SARDH: variants seen among roughly 807,000 people sequenced by gnomAD.
SARDH encodes the protein sarcosine dehydrogenase.
SARDH carries 95 observed loss-of-function variants against 109.1 expected under a neutral mutation model. That is an observed-to-expected ratio of 0.87 (90% CI 0.74 to 1.03). The LOEUF is 1.03. Ranked by LOEUF, SARDH falls within the 50% of genes least tolerant of loss-of-function variation. The pLI is 0.00. For missense variants in SARDH, 1,267 were observed against 1,287.8 expected (o/e 0.98, Z 0.25); for synonymous variants, 572 against 534.8 (o/e 1.07, Z -0.96).
At chr9:133,668,310 TC>T (rs1564227177) in intron 19 of SARDH, among the ~76,000 whole-genome samples, 7 of 15,850 alleles carry the variant, frequency 4.4e-4, no homozygotes, top group Admixed American at 5.3e-4. Flanking sequence ...TCTCCCTCCC[TC>T]TCCCCCACCC....
intron 13 of SARDH, among the ~76,000 whole-genome samples, chr9:133,701,732 C>A (rs998265560): frequency 8.5e-5 from 13 of 152,216 alleles, no homozygotes; most frequent in African/African-American, 3.1e-4. Flanking sequence ...CGCTTCATGA[C>A]ACACACGCCT....
At chr9:133,714,967 G>A (rs561134286) in intron 8 of SARDH, among the ~76,000 whole-genome samples, 3 of 152,318 alleles carry the variant, frequency 2.0e-5, no homozygotes, top group Admixed American at 6.5e-5. Context: ...GGGTCTCTTG[G>A]ATGTTTCACA....
chr9:133,692,715 C>T lies in SARDH; in HGVS notation c.1921+1543G>A, dbSNP rs1418021342. 2.0e-5 allele frequency among the ~76,000 whole-genome samples: 3 copies of T among 152,172 alleles called. No individual in the cohort carries two copies. The highest frequency in any genetic ancestry group is 2.1e-4 in the South Asian group (1 of 4,830). On this transcript the variant is annotated intron_variant, in intron 15 of 20. Coordinates refer to ENST00000439388, the MANE Select transcript of SARDH (RefSeq NM_001134707.2). This position sits in a 1 kb window ranked among gnomAD's most constrained non-coding sequence, Gnocchi z 5.0. ...CCCACCGGCCTCCTTCACCTCCTCC[C>T]GACCCTGGCTACCTGGTGCTTCCAC...
intron 17 of SARDH, among the ~76,000 whole-genome samples, chr9:133,684,380 G>A (rs1399007133): frequency 2.0e-5 from 3 of 152,258 alleles, no homozygotes; most frequent in Non-Finnish European, 2.9e-5. Context: ...ACATGGGAAA[G>A]TGTGCTGTGA....
At chr9:133,701,937 C>A (rs2131412360) in intron 13 of SARDH, among the ~76,000 whole-genome samples, 1 of 152,334 alleles carries the variant, frequency 6.6e-6, no homozygotes, top group South Asian at 2.1e-4. Context: ...CAGCATGAAC[C>A]CAAGCGGGGC....
intron 17 of SARDH, 120 bp downstream of exon 17, chr9:133,685,073 A>C (rs1245210217): frequency 1.3e-6 from 1 of 761,572 alleles, no homozygotes; most frequent in Non-Finnish European, 2.1e-6. Flanking sequence ...ACAGTTGGGG[A>C]CCGAGGCCCA....
chr9:133,730,060 G>T lies in SARDH; in HGVS notation c.814+4C>A, dbSNP rs750007602. ...ACAGGAGTCAGGAGAAATGCCACTCGCACCTGCACAGTTGACCACGCAGGG... is the reference window on the plus strand; with the variant it reads ...ACAGGAGTCAGGAGAAATGCCACTCTCACCTGCACAGTTGACCACGCAGGG... On this transcript the variant is annotated splice_donor_region_variant and intron_variant, in intron 5 of 20. Transcript: ENST00000439388. The T allele has an allele frequency of 1.9e-6, 3 of 1,613,924 alleles. No homozygotes were observed. The highest frequency in any genetic ancestry group is 2.7e-5 in the African/African-American group (2 of 74,914).
chr9:133,739,509 A>G (rs1471030720), upstream of SARDH, among the ~76,000 whole-genome samples: 1 of 152,172 alleles, frequency 6.6e-6, no homozygotes, highest in Non-Finnish European at 1.5e-5. Context: ...GAGAGACACG[A>G]CACCACAAGG....
chr9:133,687,253 G>A (rs1830918435), intron 16 of SARDH, among the ~76,000 whole-genome samples: 1 of 152,188 alleles, frequency 6.6e-6, no homozygotes, highest in African/African-American at 2.4e-5. Flanking sequence ...AGCCACGCAA[G>A]GATATTGGTT....
chr9:133,667,822 T>C (rs891943261), intron 19 of SARDH, among the ~76,000 whole-genome samples: 1 of 152,096 alleles, frequency 6.6e-6, no homozygotes, highest in Non-Finnish European at 1.5e-5. Flanking sequence ...TTCGTAAACA[T>C]CTTTGGTGTC....
chr9:133,717,327 A>G lies in SARDH; in HGVS notation c.1149T>C (p.Pro383=), dbSNP rs1280053442. ...CCCAGCTCCGAGGCTGTCACTCACC[A>G]GGGCCGCAGACCGTGGACTTGATTC... ...KTGIKSTVCG[P]ESFTPDHKPL... The change falls in exon 8 of 21, where the codon CCT becomes CCC. Residue 383 remains proline (P), a splice_region_variant and synonymous_variant. Transcript: ENST00000439388. 10 of 1,613,684 alleles carry G rather than the reference A, an allele frequency of 6.2e-6. No homozygotes were observed. The highest frequency in any genetic ancestry group is 1.3e-5 in the African/African-American group (1 of 74,868).
Position 133,696,377 on chromosome 9 carries a change from C to T in SARDH, c.1669-16G>A, listed in dbSNP as rs1440911314. 2 of 1,613,746 alleles carry T rather than the reference C, an allele frequency of 1.2e-6. No individual in the cohort carries two copies. Among genetic ancestry groups the T allele is most frequent in the African/African-American group, 2.7e-5 (2 of 74,910 alleles). ...CCTTCTTGATCTGAAAAGTTCCAGA[C>T]AGGTGGGAATGCCACGGGGGCCTTT... is the stretch of plus-strand genomic sequence containing the variant. On this transcript the variant is annotated splice_polypyrimidine_tract_variant and intron_variant, in intron 13 of 20. Transcript: ENST00000439388.
At chr9:133,700,605 T>C (rs1831447203) in intron 13 of SARDH, among the ~76,000 whole-genome samples, 2 of 152,174 alleles carry the variant, frequency 1.3e-5, no homozygotes, top group Non-Finnish European at 2.9e-5. Context: ...AACTAGATCA[T>C]GGTGATGGTT....
rs1030640395 is a variant in SARDH, at chr9:133,673,387, T to A, written c.2164-1690A>T. 2.0e-5 allele frequency among the ~76,000 whole-genome samples: 3 copies of A among 152,324 alleles called. No individual in the cohort carries two copies. The South Asian group carries it at 6.2e-4, about 32-fold the overall frequency. ...AAGGAATGGGGAGAGCTAGGCTGACTGCAGGATCCCAGACAGCGGAGGAGC... is the reference window on the plus strand; with the variant it reads ...AAGGAATGGGGAGAGCTAGGCTGACAGCAGGATCCCAGACAGCGGAGGAGC... On this transcript the variant is annotated intron_variant, in intron 17 of 20. Coordinates refer to ENST00000439388, the MANE Select transcript of SARDH (RefSeq NM_001134707.2).
chr9:133,688,458 C>A (rs1161108613), intron 16 of SARDH, among the ~76,000 whole-genome samples: 1 of 152,156 alleles, frequency 6.6e-6, no homozygotes, highest in Admixed American at 6.5e-5. Flanking sequence ...GCTCATCACT[C>A]CCTCCTGGCA....
intron 17 of SARDH, among the ~76,000 whole-genome samples, chr9:133,682,305 C>T (rs1343448934): frequency 1.3e-5 from 2 of 152,190 alleles, no homozygotes; most frequent in African/African-American, 4.8e-5. Context: ...GAGAATAAAG[C>T]AGTGTGTACA....
Position 133,708,232 on chromosome 9 carries a change from G to A in SARDH, c.1470+55C>T, listed in dbSNP as rs1046586588. ...TGCATTTCTGTCACTCCGCTGCCCTGAGGACGTCCCAGACCCTCGCTGCCA... is the reference window on the plus strand; with the variant it reads ...TGCATTTCTGTCACTCCGCTGCCCTAAGGACGTCCCAGACCCTCGCTGCCA... On this transcript the variant is annotated intron_variant, in intron 11 of 20. Coordinates refer to ENST00000439388, the MANE Select transcript of SARDH (RefSeq NM_001134707.2). The A allele has an allele frequency of 1.7e-5, 27 of 1,563,656 alleles. No homozygotes were observed. In the African/African-American group the frequency reaches 3.1e-4, roughly 18 times the overall value.
chr9:133,663,962 A>T lies in SARDH; in HGVS notation c.2684T>A (p.Val895Glu). 6.2e-7 allele frequency: 1 copy of T among 1,614,030 alleles called. No homozygotes were observed. Among genetic ancestry groups the T allele is most frequent in the South Asian group, 1.1e-5 (1 of 91,076 alleles). Residue 895 changes from valine (V) to glutamate (E), a missense_variant, in exon 21 of 21, where the codon GTG becomes GAG. Coordinates refer to ENST00000439388, the MANE Select transcript of SARDH (RefSeq NM_001134707.2). ...SGDYALERMG[V>E]TYGAQAHLKS... is the part of the protein sequence containing the mutation. ...CAGGTGAGCCTGGGCACCATAGGTC[A>T]CCCCCATTCTCTCCAGGGCATAGTC... is the stretch of plus-strand genomic sequence containing the variant.
At chr9:133,732,336 A>C in intron 3 of SARDH, 87 bp downstream of exon 3, 402 of 413,554 alleles carry the variant, frequency 9.7e-4, no homozygotes, top group East Asian at 3.1e-3. Context: ...ACCCCCCCAC[A>C]GGGGGTGCAC....
Sources: gnomAD v4.1 joint callset for allele counts (sites outside exome capture counted in the v4.1 genomes callset) on GRCh38, gnomAD v4.1.1 for gene constraint, Gnocchi (gnomAD v3.1) non-coding constraint, MANE v1.5 for transcripts, NCBI Gene and HGNC (gene_info 2026-07-23, HGNC 2026-07-21) for gene names.